The following APP variants were observed in gnomAD, a reference collection of about 807,000 sequenced individuals.
APP encodes the protein amyloid-beta precursor protein.
A neutral mutation model predicts 101.4 loss-of-function variants in APP; 31 were observed. The observed-to-expected ratio is 0.31, with a 90% CI of 0.23 to 0.41. The LOEUF is 0.41. APP is among the 10% of genes least tolerant of loss of function. APP has a pLI of 1.00. For missense variants in APP, 839 were observed against 1,003.7 expected, an observed-to-expected ratio of 0.84 and a Z score of 2.22; for synonymous variants, 366 against 364.4, an observed-to-expected ratio of 1.00 and a Z score of -0.05.
At chr21:25,985,315 A>G (rs1284044763) in intron 8 of APP, among the ~76,000 whole-genome samples, 4 of 152,118 alleles carry the variant, frequency 2.6e-5, no homozygotes, top group Non-Finnish European at 4.4e-5. Flanking sequence ...ATTGTTTCTG[A>G]GTGTCTTTGT....
At chr21:26,081,095 T>A (rs1301840682) in intron 3 of APP, among the ~76,000 whole-genome samples, 1 of 152,214 alleles carries the variant, frequency 6.6e-6, no homozygotes, top group East Asian at 1.9e-4. Context: ...CTCAAATACA[T>A]GGGATGATTG....
intron 2 of APP, among the ~76,000 whole-genome samples, chr21:26,107,655 C>A (rs1050834845): frequency 2.6e-5 from 4 of 152,188 alleles, no homozygotes; most frequent in Non-Finnish European, 5.9e-5. Flanking sequence ...TGCTTTCCTT[C>A]GGTTCTTCTC....
chr21:26,040,852 T>C (rs1418551677), intron 5 of APP, among the ~76,000 whole-genome samples: 1 of 152,134 alleles, frequency 6.6e-6, no homozygotes. Context: ...CATACAAAAA[T>C]ATATATTAAA....
chr21:25,959,906 C>G (rs532226944), intron 11 of APP, among the ~76,000 whole-genome samples: 2 of 152,262 alleles, frequency 1.3e-5, no homozygotes, highest in African/African-American at 4.8e-5. Context: ...TCATTTAATA[C>G]TGCCATTCTC....
At chr21:26,108,989 AG>A (rs2062248913) in intron 2 of APP, among the ~76,000 whole-genome samples, 1 of 152,222 alleles carries the variant, frequency 6.6e-6, no homozygotes, top group Non-Finnish European at 1.5e-5. Context: ...ATGGCTCACA[AG>A]GTATGATGTT....
At chr21:25,997,662 C>T (rs1299661385) in intron 7 of APP, among the ~76,000 whole-genome samples, 1 of 152,142 alleles carries the variant, frequency 6.6e-6, no homozygotes, top group Non-Finnish European at 1.5e-5. Context: ...GGTTTCTTAA[C>T]AGAAGAGGAT....
intron 2 of APP, among the ~76,000 whole-genome samples, chr21:26,094,996 C>A (rs1351595667): frequency 6.6e-6 from 1 of 152,140 alleles, no homozygotes; most frequent in East Asian, 1.9e-4. Context: ...CAGGCACCCA[C>A]TACCACACCC....
intron 1 of APP, among the ~76,000 whole-genome samples, chr21:26,114,378 T>A (rs539496511): frequency 1.3e-5 from 2 of 152,330 alleles, no homozygotes; most frequent in African/African-American, 4.8e-5. Flanking sequence ...TATCAGGGTC[T>A]GTCTGTGCAA....
intron 5 of APP, among the ~76,000 whole-genome samples, chr21:26,049,180 G>T (rs1034751206): frequency 2.7e-4 from 41 of 152,118 alleles, no homozygotes; most frequent in Non-Finnish European, 4.7e-4. Flanking sequence ...AAGCCTGGGG[G>T]TGTGGGGGAG....
intron 11 of APP, among the ~76,000 whole-genome samples, chr21:25,968,035 C>T (rs1258670586): frequency 6.6e-6 from 1 of 152,152 alleles, no homozygotes; most frequent in African/African-American, 2.4e-5. Flanking sequence ...GAGTCACTAG[C>T]CTTCAACAGA....
chr21:26,100,588 G>A (rs1038498148), intron 2 of APP, among the ~76,000 whole-genome samples: 2 of 152,110 alleles, frequency 1.3e-5, no homozygotes, highest in Non-Finnish European at 2.9e-5. Context: ...GAAAAAGAAA[G>A]GTTGAGAAAC....
chr21:26,147,623 A>C (rs2063179448), intron 1 of APP, among the ~76,000 whole-genome samples: 1 of 152,210 alleles, frequency 6.6e-6, no homozygotes, highest in Non-Finnish European at 1.5e-5. Context: ...AAAATCTTTT[A>C]AATGGCTCAA....
intron 1 of APP, among the ~76,000 whole-genome samples, chr21:26,140,677 T>C (rs910810808): frequency 6.6e-6 from 1 of 152,250 alleles, no homozygotes; most frequent in African/African-American, 2.4e-5. Context: ...CAGGAACTTG[T>C]TAGGCAAGAA....
intron 13 of APP, among the ~76,000 whole-genome samples, chr21:25,925,904 G>A (rs2039875081): frequency 6.6e-6 from 1 of 152,140 alleles, no homozygotes; most frequent in South Asian, 2.1e-4. Flanking sequence ...CCAACTGCAC[G>A]CCATCCTGGG....
At chr21:26,086,522 C>T (rs1028199835) in intron 3 of APP, among the ~76,000 whole-genome samples, 1 of 150,156 alleles carries the variant, frequency 6.7e-6, no homozygotes, top group South Asian at 2.1e-4. Flanking sequence ...TTTTAACACG[C>T]TTAATGTTTA....
intron 13 of APP, among the ~76,000 whole-genome samples, chr21:25,932,326 GGTGAA>G (rs893063787): frequency 6.1e-4 from 87 of 142,584 alleles, no homozygotes; most frequent in African/African-American, 8.2e-4. Context: ...TGCAGACAAT[GGTGAA>G]GTGAAGTGAA....
intron 14 of APP, among the ~76,000 whole-genome samples, chr21:25,907,324 C>T (rs1331953900): frequency 1.3e-5 from 2 of 152,144 alleles, no homozygotes; most frequent in Non-Finnish European, 2.9e-5. Flanking sequence ...GCTCAGGGAG[C>T]AGACATTAAA....
At chr21:26,105,866 T>G (rs149278922) in intron 2 of APP, among the ~76,000 whole-genome samples, 19 of 152,356 alleles carry the variant, frequency 1.2e-4, no homozygotes, top group Admixed American at 2.6e-4. Context: ...CCATACCCAC[T>G]GTGTTGCAGC....
chr21:26,156,000 C>CAAA (rs757330872), intron 1 of APP, among the ~76,000 whole-genome samples: 115 of 90,134 alleles, frequency 1.3e-3, no homozygotes, highest in African/African-American at 3.7e-3. Context: ...GACTTCGTCT[C>CAAA]AAAAAAAAAA....
Sources: gnomAD v4.1 joint callset for allele counts (sites outside exome capture counted in the v4.1 genomes callset) on GRCh38, gnomAD v4.1.1 for gene constraint, MANE v1.5 for transcripts, NCBI Gene and HGNC (gene_info 2026-07-23, HGNC 2026-07-21) for gene names.